The following SLC25A26 variants were observed in gnomAD, a reference collection of about 807,000 sequenced individuals.
The protein encoded by SLC25A26 is mitochondrial S-adenosylmethionine carrier protein.
Under a neutral mutation model 37.8 loss-of-function variants are expected in SLC25A26, and 36 were observed. The observed-to-expected ratio is 0.95, with a 90% CI of 0.73 to 1.26. The LOEUF is 1.26. Among genes scored for constraint, SLC25A26 ranks in the 50% most tolerant of loss-of-function variants. The pLI, the probability that SLC25A26 is intolerant of heterozygous loss-of-function variation, is 0.00. For missense variants in SLC25A26, 390 were observed against 331.1 expected (o/e 1.18, Z -1.38); for synonymous variants, 129 against 122.5 (o/e 1.05, Z -0.35).
chr3:66,272,084 G>A lies in SLC25A26; in HGVS notation c.453+8705G>A, dbSNP rs559612422. ...CACCTAAAAAATGTGTGTCATTTTA[G>A]ATGGAAATAAACTGTTTACATTTAC... On this transcript the variant is annotated intron_variant, in intron 5 of 9. Transcript: ENST00000354883. Among the ~76,000 whole-genome samples the A allele has an allele frequency of 2.0e-5, 3 of 152,252 alleles. No individual in the cohort carries two copies. In the South Asian group the frequency reaches 6.2e-4, roughly 32 times the overall value.
At chr3:66,139,885 T>A (rs928704798) in intron 1 of SLC25A26, among the ~76,000 whole-genome samples, 1 of 152,164 alleles carries the variant, frequency 6.6e-6, no homozygotes, top group African/African-American at 2.4e-5. Context: ...AAACACTAAA[T>A]TAGTTTAAGG....
chr3:66,311,174 G>C (rs1036071480), intron 5 of SLC25A26, among the ~76,000 whole-genome samples: 4 of 152,036 alleles, frequency 2.6e-5, no homozygotes, highest in Admixed American at 2.6e-4. Context: ...ATATTTCTTG[G>C]AGGCTTTGTT....
chr3:66,178,213 G>A (rs1405214771), intron 1 of SLC25A26, among the ~76,000 whole-genome samples: 1 of 149,130 alleles, frequency 6.7e-6, no homozygotes, highest in Non-Finnish European at 1.5e-5. Flanking sequence ...GGTTCAGATG[G>A]CCCAACAGTT....
At chr3:66,139,379 A>G (rs1190465633) in intron 1 of SLC25A26, among the ~76,000 whole-genome samples, 2 of 152,222 alleles carry the variant, frequency 1.3e-5, no homozygotes, top group Non-Finnish European at 2.9e-5. Flanking sequence ...CAGTTGTGAG[A>G]AAACAATGCC....
chr3:66,154,818 C>T (rs1331973047), intron 1 of SLC25A26, among the ~76,000 whole-genome samples: 1 of 152,108 alleles, frequency 6.6e-6, no homozygotes, highest in Non-Finnish European at 1.5e-5. Flanking sequence ...TTAACCCTGG[C>T]GAGGCCTAGT....
chr3:66,295,138 C>T (rs1172239072), intron 5 of SLC25A26, among the ~76,000 whole-genome samples: 1 of 152,148 alleles, frequency 6.6e-6, no homozygotes, highest in Non-Finnish European at 1.5e-5. Context: ...GTTAAACAGG[C>T]ATCACTCATG....
chr3:66,161,411 C>T (rs1407488186), intron 1 of SLC25A26, among the ~76,000 whole-genome samples: 2 of 152,134 alleles, frequency 1.3e-5, no homozygotes, highest in Non-Finnish European at 2.9e-5. Flanking sequence ...CAATCTTGAC[C>T]CTGAGTCCCC....
chr3:66,135,582 A>G (rs1471647908), intron 1 of SLC25A26, among the ~76,000 whole-genome samples: 2 of 152,202 alleles, frequency 1.3e-5, no homozygotes. Flanking sequence ...AGACTGGGCA[A>G]CAAAGTGAGA....
intron 1 of SLC25A26, among the ~76,000 whole-genome samples, chr3:66,190,256 A>C: frequency 6.6e-6 from 1 of 151,736 alleles, no homozygotes; most frequent in Non-Finnish European, 1.5e-5. Flanking sequence ...TAAAGGTTGC[A>C]GTGAGCTGAG....
chr3:66,154,813 C>A (rs572071135), intron 1 of SLC25A26, among the ~76,000 whole-genome samples: 193 of 152,262 alleles, frequency 1.3e-3, no homozygotes, highest in African/African-American at 4.5e-3. Flanking sequence ...GTCACTTAAC[C>A]CTGGCGAGGC....
At chr3:66,135,019 C>A (rs904727776) in intron 1 of SLC25A26, among the ~76,000 whole-genome samples, 2 of 151,874 alleles carry the variant, frequency 1.3e-5, no homozygotes, top group African/African-American at 4.8e-5. Flanking sequence ...TTAGTACAGA[C>A]GGGGTTTCAC....
At chr3:66,282,105 A>G (rs1398908907) in intron 5 of SLC25A26, among the ~76,000 whole-genome samples, 15 of 137,646 alleles carry the variant, frequency 1.1e-4, no homozygotes, top group African/African-American at 3.9e-4. Flanking sequence ...TCCGCTTCCC[A>G]GGTTCACGCC....
chr3:66,170,717 T>C (rs1245318855), intron 1 of SLC25A26, among the ~76,000 whole-genome samples: 1 of 150,292 alleles, frequency 6.7e-6, no homozygotes, highest in African/African-American at 2.4e-5. Context: ...CCACAGTGCC[T>C]GACACACATA....
At chr3:66,177,748 G>A (rs2070614113) in intron 1 of SLC25A26, among the ~76,000 whole-genome samples, 1 of 152,214 alleles carries the variant, frequency 6.6e-6, no homozygotes, top group Non-Finnish European at 1.5e-5. Flanking sequence ...TGACTTTTTA[G>A]ATATGAAGTA....
intron 5 of SLC25A26, among the ~76,000 whole-genome samples, chr3:66,269,458 G>T (rs772656064): frequency 3.9e-5 from 6 of 152,142 alleles, no homozygotes; most frequent in African/African-American, 1.4e-4. Flanking sequence ...GTATTCACTG[G>T]CTACTTATGT....
chr3:66,295,752 C>T (rs1392937362), intron 5 of SLC25A26, among the ~76,000 whole-genome samples: 1 of 151,570 alleles, frequency 6.6e-6, no homozygotes, highest in South Asian at 2.1e-4. Context: ...CCTGCCTTGG[C>T]CTCCCAAAGT....
At chr3:66,149,685 C>A (rs2070171986) in intron 1 of SLC25A26, among the ~76,000 whole-genome samples, 1 of 152,146 alleles carries the variant, frequency 6.6e-6, no homozygotes, top group Admixed American at 6.5e-5. Context: ...CACTAAGGGA[C>A]TAAATTGTCA....
At position 66,148,053 on chromosome 3, in the gene SLC25A26, G is replaced by A. The variant is rs189097591; in HGVS notation, c.-354+14069G>A. ...ATTATAGGCGTGAGCCACCATGCCC[G>A]GCTGTTTTTTGACTTTTAAATTATG... On this transcript the variant is annotated intron_variant, in intron 1 of 10. Transcript: ENST00000676754. Among the ~76,000 whole-genome samples the A allele has an allele frequency of 4.1e-3, 620 of 152,196 alleles. 2 individuals are homozygous for A. Among genetic ancestry groups the A allele is most frequent in the Non-Finnish European group, 4.8e-3 (329 of 68,024 alleles).
chr3:66,198,839 C>T (rs1179560183), intron 1 of SLC25A26, among the ~76,000 whole-genome samples: 2 of 151,832 alleles, frequency 1.3e-5, no homozygotes, highest in African/African-American at 4.8e-5. Flanking sequence ...CCTTGACTCT[C>T]TTCTCACTCT....
Sources: gnomAD v4.1 joint callset for allele counts (sites outside exome capture counted in the v4.1 genomes callset) on GRCh38, gnomAD v4.1.1 for gene constraint, MANE v1.5 for transcripts, NCBI Gene and HGNC (gene_info 2026-07-23, HGNC 2026-07-21) for gene names.